PLAC1: variants seen among roughly 807,000 people sequenced by gnomAD.
PLAC1 encodes the protein placenta-specific protein 1.
For synonymous variants in PLAC1, 68 were observed against 62.1 expected, an observed-to-expected ratio of 1.09 and a Z score of -0.44; for missense variants, 136 against 163.2, an observed-to-expected ratio of 0.83 and a Z score of 0.91.
At chrX:134,724,329 T>C (rs937939498) in intron 2 of PLAC1, among the ~76,000 whole-genome samples, 4 of 112,221 alleles carry the variant, frequency 3.6e-5, no homozygotes. Flanking sequence ...GAACTATCTA[T>C]CTGCACTGAT....
intron 1 of PLAC1, among the ~76,000 whole-genome samples, chrX:134,762,768 G>A (rs187756052): frequency 1.2e-3 from 110 of 93,513 alleles, no homozygotes; most frequent in African/African-American, 4.2e-3. Flanking sequence ...GTTGCGGTGA[G>A]CCGAGATCAT....
chrX:134,573,141 A>C (rs2077918579), intron 2 of PLAC1, among the ~76,000 whole-genome samples: 1 of 111,708 alleles, frequency 9.0e-6, no homozygotes, highest in African/African-American at 3.3e-5. Flanking sequence ...AAATACAGAA[A>C]GCCATACTTT....
chrX:134,711,211 G>A (rs1280192682), intron 2 of PLAC1, among the ~76,000 whole-genome samples: 4 of 111,620 alleles, frequency 3.6e-5, no homozygotes, highest in African/African-American at 1.3e-4. Flanking sequence ...CCCTTAGGTT[G>A]GACAGCTCGG....
chrX:134,686,411 A>C (rs1338283732), intron 2 of PLAC1, among the ~76,000 whole-genome samples: 1 of 111,741 alleles, frequency 8.9e-6, no homozygotes, highest in East Asian at 2.8e-4. Flanking sequence ...TTTCATGAAA[A>C]GTAAATAAAC....
intron 1 of PLAC1, among the ~76,000 whole-genome samples, chrX:134,751,361 T>A (rs1184274850): frequency 9.1e-6 from 1 of 109,708 alleles, no homozygotes; most frequent in Non-Finnish European, 1.9e-5. Flanking sequence ...TTCAATCTCA[T>A]GCAGACAACT....
intron 1 of PLAC1, among the ~76,000 whole-genome samples, chrX:134,638,405 A>G (rs1053596900): frequency 1.2e-4 from 13 of 112,589 alleles, no homozygotes; most frequent in African/African-American, 4.2e-4. Context: ...ACAGTTGTTG[A>G]GGTGTTGACT....
intron 1 of PLAC1, chrX:134,651,145 GA>G: frequency 3.7e-6 from 1 of 270,803 alleles, no homozygotes; most frequent in Admixed American, 3.4e-5. Context: ...AAGCCAACTT[GA>G]AAAAGCCATA....
At chrX:134,665,593 T>C (rs2078434023) in intron 2 of PLAC1, among the ~76,000 whole-genome samples, 1 of 111,400 alleles carries the variant, frequency 9.0e-6, no homozygotes, top group Non-Finnish European at 1.9e-5. Flanking sequence ...GGTATTTTAC[T>C]TAGTTCTAAT....
At chrX:134,614,671 G>A (rs1387968233) in intron 1 of PLAC1, among the ~76,000 whole-genome samples, 1 of 110,828 alleles carries the variant, frequency 9.0e-6, no homozygotes, top group Non-Finnish European at 1.9e-5. Flanking sequence ...GTCTCACTTT[G>A]TTGCCCAGGC....
chrX:134,588,625 A>G (rs1419494263), intron 2 of PLAC1, among the ~76,000 whole-genome samples: 1 of 110,721 alleles, frequency 9.0e-6, no homozygotes, highest in Non-Finnish European at 1.9e-5. Flanking sequence ...CAGGAGAGAG[A>G]GGAGCCTGGA....
chrX:134,637,421 T>G (rs753465768), intron 1 of PLAC1, among the ~76,000 whole-genome samples: 7 of 112,125 alleles, frequency 6.2e-5, no homozygotes, highest in Admixed American at 3.8e-4. Flanking sequence ...TTAACCATAC[T>G]TATTGGATCA....
intron 2 of PLAC1, among the ~76,000 whole-genome samples, chrX:134,568,112 T>A (rs1289022237): frequency 8.9e-6 from 1 of 112,123 alleles, no homozygotes; most frequent in Admixed American, 9.4e-5. Context: ...CATCATCCAA[T>A]GTTTTCCAAC....
chrX:134,625,776 C>T (rs1159138725), intron 1 of PLAC1, among the ~76,000 whole-genome samples: 2 of 110,781 alleles, frequency 1.8e-5, no homozygotes, highest in African/African-American at 3.3e-5. Flanking sequence ...CTAACCAAGG[C>T]GAGGCACTGC....
intron 2 of PLAC1, among the ~76,000 whole-genome samples, chrX:134,597,620 T>A (rs2078068151): frequency 8.9e-6 from 1 of 112,013 alleles, no homozygotes; most frequent in South Asian, 3.7e-4. Flanking sequence ...TTAGTGGTTT[T>A]TTTCTGACAT....
rs143932399 is a variant in PLAC1, at chrX:134,602,388, C to T, written c.-130-266G>A. 3.2e-3 allele frequency among the ~76,000 whole-genome samples: 360 copies of T among 112,134 alleles called. 4 individuals are homozygous for T. Among genetic ancestry groups the T allele is most frequent in the Admixed American group, 0.024 (251 of 10,562 alleles). ...AATCACACCCTCAAATTAAATCCGT[C>T]TAAAACTGTGACTAAAGAAATGAAA... On this transcript the variant is annotated intron_variant, in intron 1 of 2. Transcript: ENST00000359237.
intron 2 of PLAC1, among the ~76,000 whole-genome samples, chrX:134,726,532 A>T (rs1395334166): frequency 8.9e-6 from 1 of 112,166 alleles, no homozygotes; most frequent in African/African-American, 3.2e-5. Context: ...TAACAATATT[A>T]AAAACTTCCT....
chrX:134,566,365 T>A lies in PLAC1; in HGVS notation c.318A>T (p.Pro106=). The A allele has an allele frequency of 8.3e-7, 1 of 1,211,526 alleles. No individual in the cohort carries two copies. The highest frequency in any genetic ancestry group is 1.8e-5 in the South Asian group (1 of 56,963). Residue 106 remains proline, a synonymous_variant, in exon 3 of 3, where the codon CCA becomes CCT. Transcript: ENST00000359237. ...ATGACACTGGGATCACAAACTTAGA[T>A]GGCGTGCCCTTAGAAGAGTAGTGTA... ...TEIHYSSKGT[P]SKFVIPVSCA... is the part of the protein sequence containing the mutation.
intron 1 of PLAC1, among the ~76,000 whole-genome samples, chrX:134,762,198 C>G (rs1300589862): frequency 1.1e-5 from 1 of 93,372 alleles, no homozygotes; most frequent in East Asian, 3.1e-4. Flanking sequence ...GTTGAGGCAC[C>G]CCCCCCCCAA....
chrX:134,646,503 G>T (rs2078334255), intron 1 of PLAC1, among the ~76,000 whole-genome samples: 1 of 112,236 alleles, frequency 8.9e-6, no homozygotes, highest in Admixed American at 9.5e-5. Flanking sequence ...TCAGGAGCAA[G>T]TGATACGGGA....
Sources: gnomAD v4.1 joint callset for allele counts (sites outside exome capture counted in the v4.1 genomes callset) on GRCh38, gnomAD v4.1.1 for gene constraint, MANE v1.5 for transcripts, NCBI Gene and HGNC (gene_info 2026-07-23, HGNC 2026-07-21) for gene names.